MGLL: variants seen among roughly 807,000 people sequenced by gnomAD.
MGLL encodes monoglyceride lipase, also known as lysophospholipase homolog.
Under a neutral mutation model 29.1 loss-of-function variants are expected in MGLL, and 7 were observed. That is an observed-to-expected ratio of 0.24 (90% CI 0.14 to 0.45). The LOEUF (loss-of-function observed/expected upper bound fraction) is 0.45. Among genes scored for constraint, MGLL ranks in the 20% least tolerant of loss-of-function variants. The probability of loss-of-function intolerance (pLI) is 0.99; values close to 1 mark genes in which losing one functional copy is unlikely to be tolerated. For synonymous variants in MGLL, 148 were observed against 168.3 expected, an observed-to-expected ratio of 0.88 and a Z score of 0.93; for missense variants, 356 against 413.6, an observed-to-expected ratio of 0.86 and a Z score of 1.21.
chr3:127,734,996 G>C (rs2076219194), intron 3 of MGLL, among the ~76,000 whole-genome samples: 3 of 152,234 alleles, frequency 2.0e-5, no homozygotes, highest in South Asian at 4.1e-4. Context: ...GATCACTGTG[G>C]GGCCTCTAGC....
At chr3:127,700,385 A>G (rs2075455633) in intron 6 of MGLL, among the ~76,000 whole-genome samples, 1 of 152,174 alleles carries the variant, frequency 6.6e-6, no homozygotes, top group African/African-American at 2.4e-5. Context: ...TCTTAGCTTA[A>G]TTAACATTGT....
In MGLL at chr3:127,761,264, AC is replaced by A. The variant is rs2076759230; in HGVS notation, c.262+20524del. ...GGGAGGGATTTCTGGGGTGCTGATG[AC>A]CAGACTGCGTCACTTTCCAGGGCCC... On this transcript the variant is annotated intron_variant, in intron 3 of 7. Transcript: ENST00000265052. This position sits in a 1 kb window ranked among gnomAD's most constrained non-coding sequence, Gnocchi z 4.6. Among the ~76,000 whole-genome samples, 1 of 152,156 alleles carries A rather than the reference AC, an allele frequency of 6.6e-6. No individual in the cohort carries two copies. The highest frequency in any genetic ancestry group is 1.5e-5 in the Non-Finnish European group (1 of 68,018).
At chr3:127,767,874 AGAACCTTT>A (rs1446621497) in intron 3 of MGLL, among the ~76,000 whole-genome samples, 2 of 152,248 alleles carry the variant, frequency 1.3e-5, no homozygotes, top group East Asian at 3.8e-4. Flanking sequence ...GCTATATGCC[AGAACCTTT>A]GATAAACACT....
At chr3:127,741,951 C>T (rs1032455667) in intron 3 of MGLL, among the ~76,000 whole-genome samples, 10 of 152,168 alleles carry the variant, frequency 6.6e-5, no homozygotes, top group African/African-American at 2.4e-4. Flanking sequence ...TACATCAAGA[C>T]TCAACTACTT....
intron 3 of MGLL, among the ~76,000 whole-genome samples, chr3:127,769,500 T>C (rs923366256): frequency 3.9e-5 from 6 of 152,212 alleles, no homozygotes; most frequent in African/African-American, 1.4e-4. Context: ...ACTAAAACCC[T>C]GTGACGGAGG....
chr3:127,748,383 A>G (rs1488189265), intron 3 of MGLL, among the ~76,000 whole-genome samples: 1 of 142,542 alleles, frequency 7.0e-6, no homozygotes, highest in Non-Finnish European at 1.5e-5. Flanking sequence ...GAGAGGGAGG[A>G]GGGAGGGAGG....
At chr3:127,700,282 C>G (rs189029494) in intron 6 of MGLL, among the ~76,000 whole-genome samples, 1 of 152,140 alleles carries the variant, frequency 6.6e-6, no homozygotes, top group Non-Finnish European at 1.5e-5. Context: ...CTTGAATGGC[C>G]GGAGACATAA....
intron 3 of MGLL, among the ~76,000 whole-genome samples, chr3:127,736,523 C>T (rs924518062): frequency 2.0e-5 from 3 of 152,164 alleles, no homozygotes; most frequent in Non-Finnish European, 4.4e-5. Flanking sequence ...AGGGGAAGGG[C>T]TCCTTTCACC....
chr3:127,696,822 C>T (rs1453437757), intron 6 of MGLL, among the ~76,000 whole-genome samples: 5 of 151,942 alleles, frequency 3.3e-5, no homozygotes, highest in Admixed American at 1.3e-4. Flanking sequence ...CATGTGGGGA[C>T]GAGGAAGGAA....
At chr3:127,704,128 A>C (rs2075552945) in intron 6 of MGLL, among the ~76,000 whole-genome samples, 1 of 152,210 alleles carries the variant, frequency 6.6e-6, no homozygotes, top group Non-Finnish European at 1.5e-5. Context: ...GCAATGGGGG[A>C]AGGACTCCCT....
intron 3 of MGLL, among the ~76,000 whole-genome samples, chr3:127,771,488 C>A (rs747840392): frequency 2.0e-5 from 3 of 152,152 alleles, no homozygotes; most frequent in Non-Finnish European, 2.9e-5. Context: ...TCCCAAGTAG[C>A]TGAGATCATA....
intron 2 of MGLL, among the ~76,000 whole-genome samples, chr3:127,786,896 G>A (rs17203673): frequency 0.027 from 4,125 of 152,298 alleles, 93 homozygotes; most frequent in Non-Finnish European, 0.041. Flanking sequence ...TGCCGGGTGA[G>A]CCACTTGCCA....
intron 2 of MGLL, among the ~76,000 whole-genome samples, chr3:127,803,055 C>A (rs1261992812): frequency 6.6e-6 from 1 of 152,126 alleles, no homozygotes; most frequent in Non-Finnish European, 1.5e-5. Flanking sequence ...TTTTGGCTCA[C>A]TGCAACCTCC....
rs527359503 is a variant in MGLL, at chr3:127,749,870, G to A, written c.263-27304C>T. 1.7e-4 allele frequency among the ~76,000 whole-genome samples: 26 copies of A among 152,312 alleles called. No individual in the cohort carries two copies. The South Asian group carries it at 3.7e-3, about 22-fold the overall frequency. On this transcript the variant is annotated intron_variant, in intron 3 of 7. Coordinates refer to ENST00000265052, the MANE Select transcript of MGLL (RefSeq NM_007283.7). Reference sequence around the variant, plus strand: ...ATTTTAGTAATGACCAGAAGGAGGTGACAGAGCAAGCCATTCAGACATCTG... The same window carrying A: ...ATTTTAGTAATGACCAGAAGGAGGTAACAGAGCAAGCCATTCAGACATCTG...
chr3:127,762,316 G>A lies in MGLL; in HGVS notation c.262+19473C>T, dbSNP rs113848098. On this transcript the variant is annotated intron_variant, in intron 3 of 7. Coordinates refer to ENST00000265052, the MANE Select transcript of MGLL (RefSeq NM_007283.7). ...AGCCGTTTATTTTTAGTTCTTGGTGGGCCAGCCATTTCCTGGTCACATGCT... is the reference window on the plus strand; with the variant it reads ...AGCCGTTTATTTTTAGTTCTTGGTGAGCCAGCCATTTCCTGGTCACATGCT... Among the ~76,000 whole-genome samples the A allele has an allele frequency of 6.0e-3, 910 of 152,112 alleles. 11 individuals are homozygous for A. The highest frequency in any genetic ancestry group is 0.021 in the African/African-American group (859 of 41,476).
intron 3 of MGLL, among the ~76,000 whole-genome samples, chr3:127,729,331 G>T (rs1458607645): frequency 1.3e-5 from 2 of 152,150 alleles, no homozygotes; most frequent in Non-Finnish European, 2.9e-5. Context: ...GTACAGTTTA[G>T]TGGTATTAAA....
rs372036634 is a variant in MGLL, at chr3:127,771,389, C to T, written c.262+10400G>A. ...TTTGCGATAGGGTCTCGCTCTGTCG[C>T]CCAGGTTGGAGTGCAGTGGTGAAAT... On this transcript the variant is annotated intron_variant, in intron 3 of 7. Coordinates refer to ENST00000265052, the MANE Select transcript of MGLL (RefSeq NM_007283.7). Among the ~76,000 whole-genome samples the T allele has an allele frequency of 5.3e-5, 8 of 152,324 alleles. 1 individual carries two copies. The highest frequency in any genetic ancestry group is 2.1e-4 in the South Asian group (1 of 4,824).
intron 5 of MGLL, chr3:127,711,680 C>T (rs2075716466): frequency 1.3e-5 from 2 of 151,746 alleles, no homozygotes; most frequent in Non-Finnish European, 1.5e-5. Flanking sequence ...AGGGCACTCA[C>T]AGGCACCGAG....
chr3:127,690,777 C>T lies in MGLL; in HGVS notation c.*1421G>A, dbSNP rs2075228199. ...TATTCCCGAGGCGGGTGGTGAACCC[C>T]ACTTATTGCTGGGAAAAAGTGAGGC... On this transcript the variant is annotated 3_prime_UTR_variant, in exon 8 of 8. Transcript: ENST00000265052. 2 of 152,862 alleles carry T rather than the reference C, an allele frequency of 1.3e-5. No individual in the cohort carries two copies. Among genetic ancestry groups the T allele is most frequent in the Admixed American group, 6.5e-5 (1 of 15,294 alleles). The allele number at this position is 152,862 out of a possible 1,614,324, so 9.5% of individuals were successfully genotyped here.
Sources: gnomAD v4.1 joint callset for allele counts (sites outside exome capture counted in the v4.1 genomes callset) on GRCh38, gnomAD v4.1.1 for gene constraint, Gnocchi (gnomAD v3.1) non-coding constraint, MANE v1.5 for transcripts, NCBI Gene and HGNC (gene_info 2026-07-23, HGNC 2026-07-21) for gene names.